The following SLC66A3 variants were observed in gnomAD, a reference collection of about 807,000 sequenced individuals.
SLC66A3 encodes PQ loop repeat containing 3.
SLC66A3 carries 23 observed loss-of-function variants against 25.5 expected under a neutral mutation model. That is an observed-to-expected ratio of 0.90 (90% CI 0.65 to 1.28). SLC66A3 has a LOEUF of 1.28. Ranked by LOEUF, SLC66A3 falls within the 50% of genes most tolerant of loss-of-function variation. The probability of loss-of-function intolerance (pLI) is 0.00; values close to 1 mark genes in which losing one functional copy is unlikely to be tolerated. For synonymous variants in SLC66A3, 108 were observed against 112.6 expected, an observed-to-expected ratio of 0.96 and a Z score of 0.26; for missense variants, 246 against 262.1, an observed-to-expected ratio of 0.94 and a Z score of 0.42.
At position 11,158,391 on chromosome 2, in the gene SLC66A3, A is replaced by G. The variant is rs184655765; in HGVS notation, c.144-2075A>G. Reference sequence around the variant, plus strand: ...AAATTAACCAGTGTAGGCTGGGTGCAGTGGCTCACACCTGTAATCCCAGCA... The same window carrying G: ...AAATTAACCAGTGTAGGCTGGGTGCGGTGGCTCACACCTGTAATCCCAGCA... On this transcript the variant is annotated intron_variant, in intron 1 of 6. Coordinates refer to ENST00000295083, the MANE Select transcript of SLC66A3 (RefSeq NM_152391.5). Among the ~76,000 whole-genome samples the G allele has an allele frequency of 7.0e-3, 1,062 of 152,096 alleles. 13 individuals carry two copies. The highest frequency in any genetic ancestry group is 0.024 in the African/African-American group (1,006 of 41,484).
At chr2:11,164,567 C>A (rs1236649340) in intron 4 of SLC66A3, among the ~76,000 whole-genome samples, 10 of 141,898 alleles carry the variant, frequency 7.0e-5, no homozygotes, top group Non-Finnish European at 1.5e-4. Flanking sequence ...TATTGTTATT[C>A]TTGGGTGTTT....
Position 11,160,517 on chromosome 2 carries a change from C to A in SLC66A3, c.195C>A (p.Thr65=). ...GTTACTATGGGTATCCGCCGCTGAC[C>A]TACCTGGAGTACCCCATCCTCATCG... is the stretch of plus-strand genomic sequence containing the variant. The part of the protein sequence containing the change: ...YQCYYGYPPL[T]YLEYPILIAQ... The change falls in exon 2 of 7, where the codon ACC becomes ACA. Residue 65 remains threonine, a synonymous_variant. Coordinates refer to ENST00000295083, the MANE Select transcript of SLC66A3 (RefSeq NM_152391.5). The A allele has an allele frequency of 6.2e-7, 1 of 1,614,176 alleles. No individual in the cohort carries two copies. The highest frequency in any genetic ancestry group is 8.5e-7 in the Non-Finnish European group (1 of 1,180,034).
intron 1 of SLC66A3, among the ~76,000 whole-genome samples, chr2:11,156,584 G>A (rs896942304): frequency 6.6e-6 from 1 of 152,094 alleles, no homozygotes; most frequent in Non-Finnish European, 1.5e-5. Flanking sequence ...GGGTGCGGGG[G>A]AGAAAGAGGA....
At chr2:11,164,036 C>T (rs536218888) in intron 3 of SLC66A3, among the ~76,000 whole-genome samples, 168 bp from the exon 4 acceptor site, 231 of 152,156 alleles carry the variant, frequency 1.5e-3, no homozygotes, top group South Asian at 4.4e-3. Context: ...TGTTCACTTG[C>T]GACCCTTTTC....
intron 3 of SLC66A3, among the ~76,000 whole-genome samples, chr2:11,162,827 C>T (rs1055603469): frequency 3.9e-5 from 6 of 152,164 alleles, no homozygotes; most frequent in East Asian, 1.9e-4. Context: ...AGGATGGTTT[C>T]GATCTCCTGA....
At position 11,171,940 on chromosome 2, in the gene SLC66A3, A is replaced by T. The variant is rs1245783302; in HGVS notation, c.370A>T (p.Ile124Phe). 1.2e-6 allele frequency: 2 copies of T among 1,614,018 alleles called. No homozygotes were observed. Among genetic ancestry groups the T allele is most frequent in the African/African-American group, 1.3e-5 (1 of 75,034 alleles). The change falls in exon 5 of 7, where the codon ATC (isoleucine) becomes TTC (phenylalanine). Residue 124 changes from isoleucine (I) to phenylalanine (F), a missense_variant. This residue lies in a region of SLC66A3 where 93 missense variants were observed against 102.6 expected (regional missense o/e 0.91). Transcript: ENST00000295083. ...IDLAMNLCTFISAASKFAQLQ... is the reference protein window; with the variant it reads ...IDLAMNLCTFFSAASKFAQLQ... ...CTGCAAACAGAATCTATGTACTTTC[A>T]TCAGCGCGGCCAGTAAGTTTGCACA...
intron 1 of SLC66A3, among the ~76,000 whole-genome samples, chr2:11,158,774 G>A (rs369605438): frequency 2.0e-5 from 3 of 152,134 alleles, no homozygotes; most frequent in African/African-American, 7.2e-5. Context: ...GACTGAGATC[G>A]CGCCACTGCA....
intron 4 of SLC66A3, among the ~76,000 whole-genome samples, chr2:11,169,835 CTCTTTTT>C (rs1662483362): frequency 1.2e-5 from 1 of 85,102 alleles, no homozygotes; most frequent in African/African-American, 3.8e-5. Flanking sequence ...CTGGATTTCT[CTCTTTTT>C]TTTTTTTTTT....
intron 3 of SLC66A3, 28 bp downstream of exon 3, chr2:11,160,722 T>C (rs1335929922): frequency 6.2e-7 from 1 of 1,610,764 alleles, no homozygotes; most frequent in South Asian, 1.1e-5. Context: ...GAGCCAGAAG[T>C]GGGAACGGGG....
intron 3 of SLC66A3, among the ~76,000 whole-genome samples, chr2:11,163,127 T>C (rs1292508142): frequency 6.6e-6 from 1 of 152,172 alleles, no homozygotes; most frequent in Non-Finnish European, 1.5e-5. Context: ...ATACCTGTCA[T>C]CCCAGCTACT....
rs1018145880 is a variant in SLC66A3, at chr2:11,168,094, C to G, written c.355-3831C>G. Among the ~76,000 whole-genome samples the G allele has an allele frequency of 5.9e-5, 9 of 152,108 alleles. No homozygotes were observed. The South Asian group carries it at 1.9e-3, about 32-fold the overall frequency. Reference sequence around the variant, plus strand: ...AGGAGATCAAGACCATCCTGGCTAACACGGTGAAACCTCGTCTCTACTAAA... The same window carrying G: ...AGGAGATCAAGACCATCCTGGCTAAGACGGTGAAACCTCGTCTCTACTAAA... On this transcript the variant is annotated intron_variant, in intron 4 of 6. Transcript: ENST00000295083.
chr2:11,176,742 A>C (rs1572200432), intron 6 of SLC66A3, among the ~76,000 whole-genome samples: 1 of 134,068 alleles, frequency 7.5e-6, no homozygotes. Flanking sequence ...TTTAGCCGGG[A>C]TGGTCTCGAT....
At chr2:11,161,855 C>G (rs984732405) in intron 3 of SLC66A3, among the ~76,000 whole-genome samples, 5 of 152,220 alleles carry the variant, frequency 3.3e-5, no homozygotes, top group African/African-American at 9.7e-5. Flanking sequence ...AGCTGTCAGC[C>G]TGTCCTGCCA....
intron 1 of SLC66A3, among the ~76,000 whole-genome samples, chr2:11,157,885 C>T (rs948407560): frequency 6.6e-6 from 1 of 152,148 alleles, no homozygotes; most frequent in Admixed American, 6.5e-5. Flanking sequence ...TGGGCTCTGC[C>T]TCCCTGCTCT....
Position 11,155,479 on chromosome 2 carries a change from A to G in SLC66A3, c.-68A>G, listed in dbSNP as rs1469162300. On this transcript the variant is annotated 5_prime_UTR_variant, in exon 1 of 7. Transcript: ENST00000295083. ...CCGGGAAGGCGGAAGGCTTCGGCAG[A>G]GCTGCGCCGCCGAGGCTGAGCGGTC... The G allele has an allele frequency of 1.4e-6, 2 of 1,401,136 alleles. No individual in the cohort carries two copies. The highest frequency in any genetic ancestry group is 3.0e-5 in the African/African-American group (2 of 66,082). 86.8% of individuals were successfully genotyped at this position (1,401,136 alleles called of 1,614,324 possible).
intron 2 of SLC66A3, 25 bp downstream of exon 2, chr2:11,160,573 G>C: frequency 6.2e-7 from 1 of 1,614,092 alleles, no homozygotes; most frequent in Non-Finnish European, 8.5e-7. Flanking sequence ...CCTGTCCAGC[G>C]GACTGCCACG....
chr2:11,155,581 G>A lies in SLC66A3; in HGVS notation c.35G>A (p.Ser12Asn), dbSNP rs1661860399. 1 of 1,514,812 alleles carries A rather than the reference G, an allele frequency of 6.6e-7. No homozygotes were observed. Among genetic ancestry groups the A allele is most frequent in the Non-Finnish European group, 8.8e-7 (1 of 1,141,040 alleles). 93.8% of individuals were successfully genotyped at this position (1,514,812 alleles called of 1,614,324 possible). A position where few individuals can be genotyped will look rare whatever the true frequency, so the allele number is the denominator to read the frequency against. ...GCGCTGCTGGGGCTGTGTAACTGGA[G>A]CACGCTGGGCGTGTGCGCCGCGCTG... ...EAALLGLCNW[S>N]TLGVCAALKL... Residue 12 changes from serine (S) to asparagine (N), a missense_variant, in exon 1 of 7, where the codon AGC (serine) becomes AAC (asparagine). Ser to Asn is a conservative substitution (Grantham distance 46). Transcript: ENST00000295083.
intron 4 of SLC66A3, among the ~76,000 whole-genome samples, chr2:11,170,027 T>C (rs1662494125): frequency 6.6e-6 from 1 of 151,862 alleles, no homozygotes; most frequent in African/African-American, 2.4e-5. Context: ...TTAGTAGAGA[T>C]GGGGTTTCAC....
rs370847265 is a variant in SLC66A3, at chr2:11,177,842, C to G, written c.*14C>G. On this transcript the variant is annotated 3_prime_UTR_variant, in exon 7 of 7. Transcript: ENST00000295083. The stretch of plus-strand genomic sequence containing the variant: ...AAGGCTGAATGATGGATACATTATT[C>G]CTTCACACAGTGGATTTTGAGTAAC... The G allele has an allele frequency of 6.7e-7, 1 of 1,481,506 alleles. No individual in the cohort carries two copies. The highest frequency in any genetic ancestry group is 9.4e-7 in the Non-Finnish European group (1 of 1,066,402). 91.8% of individuals were successfully genotyped at this position (1,481,506 alleles called of 1,614,324 possible).
Sources: gnomAD v4.1 joint callset for allele counts (sites outside exome capture counted in the v4.1 genomes callset) on GRCh38, gnomAD v4.1.1 for gene constraint, gnomAD v4.1.1 regional missense constraint, MANE v1.5 for transcripts, NCBI Gene and HGNC (gene_info 2026-07-23, HGNC 2026-07-21) for gene names.